Variants in INSYN2A observed in about 807,000 individuals in gnomAD.
The protein encoded by INSYN2A is inhibitory synaptic factor 2A, also known as family with sequence similarity 196 member A.
INSYN2A carries 17 observed loss-of-function variants against 39.4 expected under a neutral mutation model. That is an observed-to-expected ratio of 0.43 (90% confidence interval 0.30 to 0.65). The LOEUF (loss-of-function observed/expected upper bound fraction) is 0.65, where lower values mean the gene tolerates loss of function less well. Ranked by LOEUF, INSYN2A falls within the 30% of genes least tolerant of loss-of-function variation. The probability of loss-of-function intolerance (pLI) is 0.14; values close to 1 mark genes in which losing one functional copy is unlikely to be tolerated. For synonymous variants in INSYN2A, 255 were observed against 265.7 expected (o/e 0.96, Z 0.39); for missense variants, 595 against 631.2 (o/e 0.94, Z 0.61).
intron 5 of INSYN2A, among the ~76,000 whole-genome samples, chr10:127,152,471 C>T (rs901443030): frequency 3.3e-5 from 5 of 152,204 alleles, no homozygotes; most frequent in Admixed American, 1.3e-4. Context: ...CTGCAGGGGC[C>T]CCTCCTCCCT....
At chr10:127,139,464 CT>C (rs2051015820) in intron 5 of INSYN2A, among the ~76,000 whole-genome samples, 1 of 151,908 alleles carries the variant, frequency 6.6e-6, no homozygotes, top group African/African-American at 2.4e-5. Context: ...ATCCTTTTCC[CT>C]TTTTTCGAAG....
intron 1 of INSYN2A, among the ~76,000 whole-genome samples, chr10:127,193,102 A>G (rs1256831477): frequency 2.6e-5 from 4 of 152,194 alleles, no homozygotes. Flanking sequence ...AAATATTAAA[A>G]TCAAATATGT....
intron 4 of INSYN2A, among the ~76,000 whole-genome samples, chr10:127,164,964 T>G (rs1326601688): frequency 6.6e-6 from 1 of 152,236 alleles, no homozygotes; most frequent in African/African-American, 2.4e-5. Context: ...ATTAACTTAT[T>G]TTCCTGGAGG....
Position 127,176,084 on chromosome 10 carries a change from G to A in INSYN2A, c.312C>T (p.Gly104=), listed in dbSNP as rs200747773. 5.5e-4 allele frequency: 889 copies of A among 1,614,146 alleles called. 12 individuals are homozygous for A. The South Asian group carries it at 9.3e-3, about 17-fold the overall frequency. The change falls in exon 4 of 6, where the codon GGC becomes GGT. Residue 104 remains glycine, a synonymous_variant. Transcript: ENST00000522781. The surrounding 1 kb of genome is among the most constrained non-coding windows in gnomAD (Gnocchi z 4.4). ...TCTTAAGGTCGGGCGAGGTCTGCAC[G>A]CCTGTGCTCTTGGTGACGTTGGGGA... ...RSIPNVTKST[G]VQTSPDLKKC...
intron 5 of INSYN2A, among the ~76,000 whole-genome samples, chr10:127,148,966 C>T (rs983195098): frequency 6.6e-6 from 1 of 152,070 alleles, no homozygotes; most frequent in African/African-American, 2.4e-5. Context: ...AGAAAGATCA[C>T]GTTTGGTACT....
intron 5 of INSYN2A, among the ~76,000 whole-genome samples, chr10:127,142,765 G>T (rs1249152422): frequency 6.6e-6 from 1 of 152,198 alleles, no homozygotes; most frequent in Non-Finnish European, 1.5e-5. Flanking sequence ...GTGCCCTGGG[G>T]CTGTGTCGCC....
intron 5 of INSYN2A, among the ~76,000 whole-genome samples, chr10:127,146,540 A>G (rs1273734363): frequency 6.6e-6 from 1 of 152,212 alleles, no homozygotes; most frequent in Non-Finnish European, 1.5e-5. Context: ...TTCATTAAAC[A>G]AAAGTATTTC....
rs751919597 is a variant in INSYN2A, at chr10:127,176,333, G to A, written c.63C>T (p.Ala21=). 37 of 1,613,772 alleles carry A rather than the reference G, an allele frequency of 2.3e-5. No individual in the cohort carries two copies. The highest frequency in any genetic ancestry group is 3.3e-4 in the Middle Eastern group (2 of 6,084). The change falls in exon 4 of 6, where the codon GCC becomes GCT. Residue 21 remains alanine (A), a synonymous_variant. Transcript: ENST00000522781. This position sits in a 1 kb window ranked among gnomAD's most constrained non-coding sequence, Gnocchi z 4.4. ...ATTTCATCTCCAGGGCCAGGCAGGC[G>A]GCGGGTTCCACTTCACTCTCCGACG... The part of the protein sequence containing the change: ...LTTSESEVEP[A]ACLALEMKYA...
At chr10:127,139,024 C>G (rs1235901414) in intron 5 of INSYN2A, among the ~76,000 whole-genome samples, 4 of 152,160 alleles carry the variant, frequency 2.6e-5, no homozygotes, top group African/African-American at 4.8e-5. Flanking sequence ...CACCCTGTCC[C>G]TCCTTGGGAC....
intron 1 of INSYN2A, among the ~76,000 whole-genome samples, chr10:127,193,446 A>T (rs2056888911): frequency 6.6e-6 from 1 of 152,184 alleles, no homozygotes; most frequent in Admixed American, 6.5e-5. Flanking sequence ...CTGACCACAG[A>T]GCTGCTGCTT....
At chr10:127,147,972 A>G (rs951109605) in intron 5 of INSYN2A, among the ~76,000 whole-genome samples, 1 of 139,582 alleles carries the variant, frequency 7.2e-6, no homozygotes, top group Non-Finnish European at 1.5e-5. Flanking sequence ...AGGAGGGTGC[A>G]GTGAGCCGAG....
intron 5 of INSYN2A, 79 bp from the exon 6 acceptor site, chr10:127,138,099 G>A (rs2050861073): frequency 1.6e-6 from 2 of 1,270,922 alleles, no homozygotes; most frequent in Non-Finnish European, 2.2e-6. Context: ...GCAAGATTTG[G>A]GCATGATCAG....
chr10:127,189,617 C>T (rs1216134850), intron 2 of INSYN2A, among the ~76,000 whole-genome samples: 1 of 152,162 alleles, frequency 6.6e-6, no homozygotes, highest in Non-Finnish European at 1.5e-5. Context: ...TAACAACTAC[C>T]TTTAAAACTA....
chr10:127,189,960 A>G (rs2056596100), intron 2 of INSYN2A, among the ~76,000 whole-genome samples: 1 of 152,210 alleles, frequency 6.6e-6, no homozygotes, highest in African/African-American at 2.4e-5. Flanking sequence ...AGAGACAGAC[A>G]TCTCCTTCTC....
At chr10:127,152,374 G>T (rs1159197065) in intron 5 of INSYN2A, among the ~76,000 whole-genome samples, 1 of 152,250 alleles carries the variant, frequency 6.6e-6, no homozygotes, top group Non-Finnish European at 1.5e-5. Flanking sequence ...AATTGTTGAA[G>T]AAAAGACCTG....
In INSYN2A at chr10:127,143,556, G is replaced by T. The variant is rs561719879; in HGVS notation, c.1257-5536C>A. Among the ~76,000 whole-genome samples the T allele has an allele frequency of 1.4e-4, 21 of 152,332 alleles. 1 individual carries two copies. The highest frequency in any genetic ancestry group is 5.9e-5 in the Non-Finnish European group (4 of 68,024). On this transcript the variant is annotated intron_variant, in intron 5 of 5. Coordinates refer to ENST00000522781, the MANE Select transcript of INSYN2A (RefSeq NM_001039762.3). Reference sequence around the variant, plus strand: ...CCCAGGAGGGCAGGTGCACCAGGATGTGGGCTGGCTTTTATTGTGTAGCTT... The same window carrying T: ...CCCAGGAGGGCAGGTGCACCAGGATTTGGGCTGGCTTTTATTGTGTAGCTT...
chr10:127,153,797 A>G, intron 5 of INSYN2A, 55 bp downstream of exon 5: 1 of 1,371,298 alleles, frequency 7.3e-7, no homozygotes, highest in South Asian at 1.2e-5. Flanking sequence ...ATTTGTGGGT[A>G]AACATCATTT....
rs967037783 is a variant in INSYN2A at position 127,175,150 on chromosome 10, A to G, written c.1184+62T>C. The G allele has an allele frequency of 1.4e-6, 2 of 1,403,674 alleles. No individual in the cohort carries two copies. Among genetic ancestry groups the G allele is most frequent in the Non-Finnish European group, 2.0e-6 (2 of 1,016,552 alleles). The allele number at this position is 1,403,674 out of a possible 1,614,324, so 87.0% of individuals were successfully genotyped here. ...TCATTACAGACTTGGGTTTGGGGCTACAGATGGACTCTGTGGTGATCAGCC... is the reference window on the plus strand; with the variant it reads ...TCATTACAGACTTGGGTTTGGGGCTGCAGATGGACTCTGTGGTGATCAGCC... On this transcript the variant is annotated intron_variant, in intron 4 of 5. Coordinates refer to ENST00000522781, the MANE Select transcript of INSYN2A (RefSeq NM_001039762.3). This position sits in a 1 kb window ranked among gnomAD's most constrained non-coding sequence, Gnocchi z 6.3.
At chr10:127,190,899 C>G (rs2056706942) in intron 2 of INSYN2A, among the ~76,000 whole-genome samples, 1 of 152,016 alleles carries the variant, frequency 6.6e-6, no homozygotes, top group African/African-American at 2.4e-5. Flanking sequence ...TCTCCAACTC[C>G]TCTCCTCTGG....
Sources: gnomAD v4.1 joint callset for allele counts (sites outside exome capture counted in the v4.1 genomes callset) on GRCh38, gnomAD v4.1.1 for gene constraint, Gnocchi (gnomAD v3.1) non-coding constraint, MANE v1.5 for transcripts, NCBI Gene and HGNC (gene_info 2026-07-23, HGNC 2026-07-21) for gene names.